Variants in SEPTIN8 observed in about 807,000 individuals in gnomAD.
SEPTIN8 encodes the protein septin 8, also known as septin-8.
A neutral mutation model predicts 53.1 loss-of-function variants in SEPTIN8; 22 were observed. That is an observed-to-expected ratio of 0.41 (90% CI 0.30 to 0.59). The LOEUF is 0.59. SEPTIN8 is among the 20% of genes least tolerant of loss of function. The probability of loss-of-function intolerance (pLI) is 0.24; values close to 1 mark genes in which losing one functional copy is unlikely to be tolerated. For synonymous variants in SEPTIN8, 228 were observed against 248.4 expected, an observed-to-expected ratio of 0.92 and a Z score of 0.77; for missense variants, 536 against 638.7, an observed-to-expected ratio of 0.84 and a Z score of 1.73.
upstream of SEPTIN8, chr5:132,778,159 C>A: frequency 1.2e-6 from 1 of 828,780 alleles, no homozygotes; most frequent in Non-Finnish European, 1.5e-6. Flanking sequence ...CCCAAATCCT[C>A]TGAAACCCCG....
chr5:132,767,313 C>A (rs547972801), intron 1 of SEPTIN8, among the ~76,000 whole-genome samples: 2 of 152,284 alleles, frequency 1.3e-5, no homozygotes, highest in African/African-American at 4.8e-5. Flanking sequence ...TGTTCCAGGC[C>A]TTCCTCACTG....
At chr5:132,775,325 A>G (rs983324880) in intron 1 of SEPTIN8, among the ~76,000 whole-genome samples, 1 of 152,140 alleles carries the variant, frequency 6.6e-6, no homozygotes, top group Non-Finnish European at 1.5e-5. Flanking sequence ...GGGCAAATGC[A>G]TCCTCTGCTC....
At chr5:132,772,283 C>T (rs2150001609) in intron 1 of SEPTIN8, among the ~76,000 whole-genome samples, 1 of 152,300 alleles carries the variant, frequency 6.6e-6, no homozygotes, top group East Asian at 1.9e-4. Flanking sequence ...CCATCAAAAT[C>T]AGATTTCCAG....
Position 132,761,348 on chromosome 5 carries a change from CAT to C in SEPTIN8, c.963-85_963-84del, listed in dbSNP as rs1049819073. The stretch of plus-strand genomic sequence containing the variant: ...CAGGGCAGAGCCAGAGAAGTAGAAT[CAT>C]GTGGGCACGAGGGGTAAGAGGATGT... On this transcript the variant is annotated intron_variant, in intron 7 of 9. Transcript: ENST00000378719. This position sits in a 1 kb window ranked among gnomAD's most constrained non-coding sequence, Gnocchi z 5.8. 16 of 1,596,372 alleles carry C rather than the reference CAT, an allele frequency of 1.0e-5. No individual in the cohort carries two copies. The African/African-American group carries it at 1.5e-4, about 15-fold the overall frequency.
In SEPTIN8 at chr5:132,776,717, T is replaced by A. The variant is rs1757829715; in HGVS notation, c.30+391A>T. On this transcript the variant is annotated intron_variant, in intron 1 of 9. Transcript: ENST00000378719. This position sits in a 1 kb window ranked among gnomAD's most constrained non-coding sequence, Gnocchi z 4.4. ...ACCTATCCCGCAGCACCTGTGCGGC[T>A]AGGACTCTTCCCCAAGTGTGCAGAA... Among the ~76,000 whole-genome samples the A allele has an allele frequency of 6.6e-6, 1 of 152,114 alleles. No homozygotes were observed. The highest frequency in any genetic ancestry group is 1.5e-5 in the Non-Finnish European group (1 of 67,990).
At chr5:132,770,089 G>GTATATATATATA (rs201065841) in intron 1 of SEPTIN8, among the ~76,000 whole-genome samples, 2 of 29,174 alleles carry the variant, frequency 6.9e-5, no homozygotes, top group Non-Finnish European at 1.0e-4. Flanking sequence ...ATGTATATAT[G>GTATATATATATA]TATATATATA....
upstream of SEPTIN8, among the ~76,000 whole-genome samples, chr5:132,779,614 T>C (rs1758009443): frequency 6.6e-6 from 1 of 152,246 alleles, no homozygotes; most frequent in South Asian, 2.1e-4. Flanking sequence ...TCTTTTGTCA[T>C]GTAGAAGTTT....
chr5:132,768,209 A>G (rs1241387068), intron 1 of SEPTIN8, among the ~76,000 whole-genome samples: 2 of 152,040 alleles, frequency 1.3e-5, no homozygotes, highest in African/African-American at 4.8e-5. Flanking sequence ...ATCATCCCTA[A>G]GTTGTTACCC....
Position 132,773,152 on chromosome 5 carries a change from C to G in SEPTIN8, c.30+3956G>C, listed in dbSNP as rs1266807980. On this transcript the variant is annotated intron_variant, in intron 1 of 9. Coordinates refer to ENST00000378719, the MANE Select transcript of SEPTIN8 (RefSeq NM_001098811.2). The surrounding 1 kb of genome is among the most constrained non-coding windows in gnomAD (Gnocchi z 4.2). ...CTCCAAAAGAAGCCAACAGAGTGCC[C>G]CAGCTCTACCACAAGGGCATGGAGA... is the stretch of plus-strand genomic sequence containing the variant. Among the ~76,000 whole-genome samples the G allele has an allele frequency of 6.6e-6, 1 of 152,148 alleles. No individual in the cohort carries two copies. The highest frequency in any genetic ancestry group is 1.5e-5 in the Non-Finnish European group (1 of 68,032).
intron 9 of SEPTIN8, chr5:132,758,501 C>T (rs370894893): frequency 6.2e-7 from 1 of 1,613,048 alleles, no homozygotes; most frequent in African/African-American, 1.3e-5. Flanking sequence ...TAGAGCGGCA[C>T]ATAACAGCTC....
Position 132,762,562 on chromosome 5 carries a change from C to T in SEPTIN8, c.618G>A (p.Glu206=). ...AGATCTGGACCCCGTTGCTGACCAA[C>T]TCGCCCATGATCTTGATCTTGAACT... The part of the protein sequence containing the change: ...LHKFKIKIMG[E]LVSNGVQIYQ... Residue 206 remains glutamate, a synonymous_variant, in exon 5 of 10, where the codon GAG becomes GAA. Coordinates refer to ENST00000378719, the MANE Select transcript of SEPTIN8 (RefSeq NM_001098811.2). 1 of 1,614,248 alleles carries T rather than the reference C, an allele frequency of 6.2e-7. No individual in the cohort carries two copies. Among genetic ancestry groups the T allele is most frequent in the Non-Finnish European group, 8.5e-7 (1 of 1,180,024 alleles).
At chr5:132,777,923 C>T, upstream of SEPTIN8, 2 of 985,488 alleles carry the variant, frequency 2.0e-6, no homozygotes, top group Non-Finnish European at 2.4e-6. This position sits in a 1 kb window ranked among gnomAD's most constrained non-coding sequence, Gnocchi z 4.1. Flanking sequence ...GCTCGACGGT[C>T]AAGGCGTCAG....
chr5:132,750,975 C>T lies in SEPTIN8; in HGVS notation c.*1041G>A, dbSNP rs749993881. On this transcript the variant is annotated 3_prime_UTR_variant, in exon 10 of 10. Transcript: ENST00000378719. ...CTGCACTGGGACCTCTATATTGGGACGCCGCTGGACTTCTTGACTATAGTG... is the reference window on the plus strand; with the variant it reads ...CTGCACTGGGACCTCTATATTGGGATGCCGCTGGACTTCTTGACTATAGTG... The T allele has an allele frequency of 2.9e-5, 47 of 1,613,904 alleles. No homozygotes were observed. Among genetic ancestry groups the T allele is most frequent in the Admixed American group, 1.8e-4 (11 of 59,940 alleles).
At position 132,761,532 on chromosome 5, in the gene SEPTIN8, G is replaced by A; in HGVS notation, c.888C>T (p.His296=). The change falls in exon 7 of 10, where the codon CAC becomes CAT. Residue 296 remains histidine (H), a synonymous_variant. Transcript: ENST00000378719. The surrounding 1 kb of genome is among the most constrained non-coding windows in gnomAD (Gnocchi z 5.8). The part of the protein sequence containing the change: ...EDLREQTHSR[H]YELYRRCKLE... ...ACTTGCAGCGCCGGTAGAGCTCGTA[G>A]TGCCGGCTGTGGGTCTGCTCGCGGA... 3 of 1,613,914 alleles carry A rather than the reference G, an allele frequency of 1.9e-6. No homozygotes were observed. The highest frequency in any genetic ancestry group is 2.5e-6 in the Non-Finnish European group (3 of 1,180,014).
chr5:132,774,977 C>T (rs920444589), intron 1 of SEPTIN8, among the ~76,000 whole-genome samples: 1 of 152,166 alleles, frequency 6.6e-6, no homozygotes, highest in Non-Finnish European at 1.5e-5. Context: ...CAAACTCCAC[C>T]CAAGGTCTCC....
At position 132,761,797 on chromosome 5, in the gene SEPTIN8, C is replaced by T. The variant is rs1222466709; in HGVS notation, c.793+3G>A. The T allele has an allele frequency of 3.7e-6, 6 of 1,606,682 alleles. No homozygotes were observed. Among genetic ancestry groups the T allele is most frequent in the Non-Finnish European group, 5.1e-6 (6 of 1,176,552 alleles). On this transcript the variant is annotated splice_donor_region_variant and intron_variant, in intron 6 of 9. Transcript: ENST00000378719. This position sits in a 1 kb window ranked among gnomAD's most constrained non-coding sequence, Gnocchi z 5.8. ...CCAGGATGCATTTCCTGTCCACACTCACCCTGCACCACTCCCCAGGGGTAC... is the reference window on the plus strand; with the variant it reads ...CCAGGATGCATTTCCTGTCCACACTTACCCTGCACCACTCCCCAGGGGTAC...
Position 132,763,773 on chromosome 5 carries a change from A to G in SEPTIN8, c.467T>C (p.Phe156Ser). The G allele has an allele frequency of 6.2e-7, 1 of 1,614,128 alleles. No individual in the cohort carries two copies. The highest frequency in any genetic ancestry group is 8.5e-7 in the Non-Finnish European group (1 of 1,179,990). The change falls in exon 4 of 10, where the codon TTC becomes TCC. Residue 156 changes from phenylalanine (F) to serine (S), a missense_variant. Physicochemically the swap from Phe to Ser is radical, Grantham distance 155. Coordinates refer to ENST00000378719, the MANE Select transcript of SEPTIN8 (RefSeq NM_001098811.2). ...CAGGGAGTGCCCTGTGGGCGTGATG[A>G]AGTAGAGGCAAACGTGGATCCTTGT... ...HDTRIHVCLY[F>S]ITPTGHSLKS...
chr5:132,758,949 T>C (rs1212168146), intron 9 of SEPTIN8: 6 of 885,660 alleles, frequency 6.8e-6, no homozygotes, highest in Non-Finnish European at 1.1e-5. Context: ...TTGGCATTTG[T>C]GACGAGCAAA....
At chr5:132,765,757 T>C (rs1756521793) in intron 1 of SEPTIN8, among the ~76,000 whole-genome samples, 1 of 152,200 alleles carries the variant, frequency 6.6e-6, no homozygotes, top group African/African-American at 2.4e-5. Context: ...CTCTGTAGCT[T>C]TGCTCCACCT....
Sources: allele counts gnomAD v4.1 joint callset (sites outside exome capture counted in the v4.1 genomes callset), GRCh38; gene constraint gnomAD v4.1.1; non-coding constraint Gnocchi (gnomAD v3.1); transcripts MANE v1.5; gene names NCBI Gene and HGNC (gene_info 2026-07-23, HGNC 2026-07-21).